The following RTN4RL1 variants were observed in gnomAD, a reference collection of about 807,000 sequenced individuals.
RTN4RL1 encodes the protein reticulon 4 receptor like 1.
In RTN4RL1, 7 loss-of-function variants were observed where a neutral mutation model predicts 25.6. The ratio of observed to expected loss-of-function variants is 0.27; its 90% confidence interval spans 0.16 to 0.51. RTN4RL1 has a LOEUF of 0.51. RTN4RL1 is among the 20% of genes least tolerant of loss of function. The pLI is 0.97. For synonymous variants in RTN4RL1, 297 were observed against 288.2 expected (o/e 1.03, Z -0.31); for missense variants, 500 against 615.6 (o/e 0.81, Z 1.99).
intron 1 of RTN4RL1, among the ~76,000 whole-genome samples, chr17:1,984,026 A>G (rs2066878284): frequency 6.6e-6 from 1 of 152,212 alleles, no homozygotes; most frequent in African/African-American, 2.4e-5. Context: ...CCCCCAGATC[A>G]TGTCTCAAGG....
chr17:1,991,468 A>C (rs1017641734), intron 1 of RTN4RL1, among the ~76,000 whole-genome samples: 23 of 151,540 alleles, frequency 1.5e-4, no homozygotes, highest in African/African-American at 5.1e-4. Context: ...AAAAAACAAA[A>C]AAAAACTTCA....
chr17:1,972,404 G>A (rs537179851), intron 1 of RTN4RL1, among the ~76,000 whole-genome samples: 4 of 151,040 alleles, frequency 2.6e-5, no homozygotes, highest in African/African-American at 2.4e-5. Flanking sequence ...CTAAACACCC[G>A]GCCTGGCTTC....
At chr17:1,957,120 G>A (rs1317755540) in intron 1 of RTN4RL1, among the ~76,000 whole-genome samples, 2 of 152,294 alleles carry the variant, frequency 1.3e-5, no homozygotes, top group Non-Finnish European at 1.5e-5. Flanking sequence ...AAATAACGTT[G>A]GAATGAACAT....
chr17:1,940,408 GGCT>G (rs1163270280), intron 1 of RTN4RL1, among the ~76,000 whole-genome samples: 1 of 152,176 alleles, frequency 6.6e-6, no homozygotes, highest in Non-Finnish European at 1.5e-5. Context: ...GCTGGGCCGA[GGCT>G]GCTGCTGTTT....
At position 1,939,309 on chromosome 17, in the gene RTN4RL1, T is replaced by C. The variant is rs922082509; in HGVS notation, c.14-1501A>G. ...TGGAGCTTGCAGTGAGCTGAGATCG[T>C]GCCACTGCACTCCAGCCTGGGCGAC... On this transcript the variant is annotated intron_variant, in intron 1 of 1. Transcript: ENST00000331238. Among the ~76,000 whole-genome samples, 213 of 151,686 alleles carry C rather than the reference T, an allele frequency of 1.4e-3. 1 individual carries two copies. Among genetic ancestry groups the C allele is most frequent in the African/African-American group, 3.6e-3 (150 of 41,322 alleles).
chr17:2,024,579 C>A (rs538523750), intron 1 of RTN4RL1, among the ~76,000 whole-genome samples: 2 of 152,318 alleles, frequency 1.3e-5, no homozygotes, highest in African/African-American at 2.4e-5. Context: ...CCCCTTCCAC[C>A]ACCGGCCGCT....
Position 1,936,287 on chromosome 17 carries a change from G to T in RTN4RL1, c.*209C>A. The T allele has an allele frequency of 7.3e-7, 1 of 1,372,948 alleles. No homozygotes were observed. Among genetic ancestry groups the T allele is most frequent in the Non-Finnish European group, 9.3e-7 (1 of 1,070,280 alleles). 85.0% of individuals were successfully genotyped at this position (1,372,948 alleles called of 1,614,324 possible). A position where few individuals can be genotyped will look rare whatever the true frequency, so the allele number is the denominator to read the frequency against. ...CTCTGCGGGGCTGGCTGGGACAGCCGGCTGAGAAGCGCCACCCCCTCCCGC... is the reference window on the plus strand; with the variant it reads ...CTCTGCGGGGCTGGCTGGGACAGCCTGCTGAGAAGCGCCACCCCCTCCCGC... On this transcript the variant is annotated 3_prime_UTR_variant, in exon 2 of 2. Transcript: ENST00000331238.
At chr17:2,023,074 T>C (rs1015553495) in intron 1 of RTN4RL1, among the ~76,000 whole-genome samples, 1 of 152,162 alleles carries the variant, frequency 6.6e-6, no homozygotes, top group Non-Finnish European at 1.5e-5. Flanking sequence ...TTTTTAACTA[T>C]AAACTGCCAA....
At chr17:1,975,393 G>A (rs971802423) in intron 1 of RTN4RL1, among the ~76,000 whole-genome samples, 1 of 152,174 alleles carries the variant, frequency 6.6e-6, no homozygotes, top group Non-Finnish European at 1.5e-5. Context: ...GCTCATGCCT[G>A]TAATCCCAGC....
chr17:1,977,460 C>T (rs561718009), intron 1 of RTN4RL1, among the ~76,000 whole-genome samples: 108 of 152,258 alleles, frequency 7.1e-4, no homozygotes, highest in African/African-American at 2.3e-3. Context: ...GGCGGAGGTC[C>T]CCATCCCCCT....
At chr17:1,939,118 C>T (rs527993168) in intron 1 of RTN4RL1, among the ~76,000 whole-genome samples, 9 of 151,736 alleles carry the variant, frequency 5.9e-5, no homozygotes, top group South Asian at 2.1e-4. Flanking sequence ...TTTGGGAGGC[C>T]GAGGCGGGCG....
chr17:2,012,243 G>C (rs140961840), intron 1 of RTN4RL1, among the ~76,000 whole-genome samples: 2 of 152,186 alleles, frequency 1.3e-5, no homozygotes, highest in South Asian at 2.1e-4. Context: ...TTTTCCAAGC[G>C]AGAGGTTATT....
intron 1 of RTN4RL1, among the ~76,000 whole-genome samples, chr17:1,955,391 T>C (rs1454670929): frequency 6.6e-6 from 1 of 151,586 alleles, no homozygotes; most frequent in Non-Finnish European, 1.5e-5. Context: ...TCCATCTCTA[T>C]AAAACATTTT....
chr17:1,984,673 G>A (rs1241394914), intron 1 of RTN4RL1, among the ~76,000 whole-genome samples: 2 of 152,208 alleles, frequency 1.3e-5, no homozygotes, highest in Non-Finnish European at 2.9e-5. Context: ...AGGCCTTCAA[G>A]AAAAACAGGA....
chr17:1,966,148 T>C (rs2066790268), intron 1 of RTN4RL1, among the ~76,000 whole-genome samples: 1 of 152,126 alleles, frequency 6.6e-6, no homozygotes, highest in Non-Finnish European at 1.5e-5. Context: ...CAGATGGAAT[T>C]TTCCCCACCA....
intron 1 of RTN4RL1, among the ~76,000 whole-genome samples, chr17:2,011,937 T>C (rs1037704873): frequency 6.6e-6 from 1 of 152,134 alleles, no homozygotes; most frequent in Admixed American, 6.5e-5. Context: ...GGGAGATTCT[T>C]TTTAAACCGC....
intron 1 of RTN4RL1, among the ~76,000 whole-genome samples, chr17:2,006,941 G>A (rs1267623128): frequency 6.6e-6 from 1 of 151,854 alleles, no homozygotes; most frequent in African/African-American, 2.4e-5. Flanking sequence ...TTTTTAATGT[G>A]TGCTCAGCGG....
intron 1 of RTN4RL1, among the ~76,000 whole-genome samples, chr17:1,996,169 G>A (rs981249444): frequency 4.6e-5 from 7 of 152,194 alleles, no homozygotes; most frequent in South Asian, 2.1e-4. Flanking sequence ...CTTTTGATGT[G>A]TTTCCTTACT....
chr17:1,966,887 C>T (rs2066793699), intron 1 of RTN4RL1, among the ~76,000 whole-genome samples: 1 of 152,172 alleles, frequency 6.6e-6, no homozygotes, highest in African/African-American at 2.4e-5. Context: ...CTTCAGGGGC[C>T]CTTCCAAACC....
Sources: gnomAD v4.1 joint callset for allele counts (sites outside exome capture counted in the v4.1 genomes callset) on GRCh38, gnomAD v4.1.1 for gene constraint, MANE v1.5 for transcripts, NCBI Gene and HGNC (gene_info 2026-07-23, HGNC 2026-07-21) for gene names.